Variants in KCNK10 observed in about 807,000 individuals in gnomAD.
KCNK10 encodes the protein potassium two pore domain channel subfamily K member 10.
A neutral mutation model predicts 47.7 loss-of-function variants in KCNK10; 25 were observed. That is an observed-to-expected ratio of 0.52 (90% CI 0.38 to 0.73). KCNK10 has a LOEUF of 0.73. KCNK10 is among the 30% of genes least tolerant of loss of function. KCNK10 has a pLI of 0.00. For synonymous variants in KCNK10, 303 were observed against 285.6 expected (o/e 1.06, Z -0.61); for missense variants, 563 against 714.5 (o/e 0.79, Z 2.42).
intron 1 of KCNK10, among the ~76,000 whole-genome samples, chr14:88,264,175 T>C (rs2139755099): frequency 6.6e-6 from 1 of 152,344 alleles, no homozygotes; most frequent in South Asian, 2.1e-4. Flanking sequence ...TAAGACGTCA[T>C]TGGAAAAAAA....
At chr14:88,198,971 G>A (rs1020650077) in intron 4 of KCNK10, among the ~76,000 whole-genome samples, 1 of 148,310 alleles carries the variant, frequency 6.7e-6, no homozygotes, top group Non-Finnish European at 1.5e-5. Context: ...CCAGGCTGGA[G>A]TGCAGTGGCG....
At chr14:88,218,498 T>C (rs1885695275) in intron 4 of KCNK10, among the ~76,000 whole-genome samples, 1 of 151,254 alleles carries the variant, frequency 6.6e-6, no homozygotes, top group African/African-American at 2.4e-5. Flanking sequence ...ACACCCAGAA[T>C]CATTTGGATC....
chr14:88,231,969 A>AT (rs1246934544), intron 3 of KCNK10, among the ~76,000 whole-genome samples: 2 of 152,166 alleles, frequency 1.3e-5, no homozygotes, highest in African/African-American at 4.8e-5. Context: ...TAATAAACAC[A>AT]TTTTTTATGT....
chr14:88,252,895 A>C (rs890759425), intron 2 of KCNK10, among the ~76,000 whole-genome samples: 1 of 152,162 alleles, frequency 6.6e-6, no homozygotes, highest in African/African-American at 2.4e-5. Flanking sequence ...CCTGCTCATC[A>C]TGTTGTTTGA....
intron 1 of KCNK10, among the ~76,000 whole-genome samples, chr14:88,270,557 T>C (rs1887379910): frequency 6.6e-6 from 1 of 152,108 alleles, no homozygotes; most frequent in Non-Finnish European, 1.5e-5. Context: ...GTCTTCAAAA[T>C]TTCAGGCTGC....
At chr14:88,301,321 GTGC>G (rs1888092926) in intron 1 of KCNK10, among the ~76,000 whole-genome samples, 1 of 152,014 alleles carries the variant, frequency 6.6e-6, no homozygotes, top group Non-Finnish European at 1.5e-5. Context: ...AGAGCCTTTA[GTGC>G]TGCTAATTAA....
At chr14:88,192,054 T>C (rs1322500035) in intron 5 of KCNK10, among the ~76,000 whole-genome samples, 170 bp downstream of exon 5, 1 of 152,210 alleles carries the variant, frequency 6.6e-6, no homozygotes, top group East Asian at 1.9e-4. Flanking sequence ...CCTATGGTAT[T>C]TATATTACAT....
In KCNK10 at chr14:88,276,212, G is replaced by T. The variant is rs1595118853; in HGVS notation, c.53-12661C>A. On this transcript the variant is annotated intron_variant, in intron 1 of 6. Transcript: ENST00000319231. Reference sequence around the variant, plus strand: ...AGGTGGGGGCTTTGGGGGGTGATTAGATGGTGAGGGCTGAGCCCTCATGAA... The same window carrying T: ...AGGTGGGGGCTTTGGGGGGTGATTATATGGTGAGGGCTGAGCCCTCATGAA... Among the ~76,000 whole-genome samples the T allele has an allele frequency of 2.6e-5, 4 of 152,048 alleles. No individual in the cohort carries two copies. In the South Asian group the frequency reaches 8.3e-4, roughly 32 times the overall value.
chr14:88,276,108 G>A (rs11851612), intron 1 of KCNK10, among the ~76,000 whole-genome samples: 5 of 151,864 alleles, frequency 3.3e-5, no homozygotes, highest in Admixed American at 2.6e-4. Context: ...CAGTTGAAGC[G>A]ATTACTGCTA....
chr14:88,310,618 G>A (rs909101900), intron 1 of KCNK10, among the ~76,000 whole-genome samples: 4 of 152,098 alleles, frequency 2.6e-5, no homozygotes, highest in Non-Finnish European at 4.4e-5. Flanking sequence ...AGGCATTCAC[G>A]CTCCTATAGA....
In KCNK10 at chr14:88,183,799, G is replaced by A. The variant is rs181634080; in HGVS notation, c.*1736C>T. On this transcript the variant is annotated 3_prime_UTR_variant, in exon 7 of 7. Coordinates refer to ENST00000319231, the MANE Select transcript of KCNK10 (RefSeq NM_138317.3). ...AATGGGCAGGGACAGGTCTTCCATGGTACCAGTGGTTGAGGATGTCGTGGG... is the reference window on the plus strand; with the variant it reads ...AATGGGCAGGGACAGGTCTTCCATGATACCAGTGGTTGAGGATGTCGTGGG... 14 of 152,520 alleles carry A rather than the reference G, an allele frequency of 9.2e-5. No individual in the cohort carries two copies. The highest frequency in any genetic ancestry group is 2.6e-4 in the Admixed American group (4 of 15,296). 9.4% of individuals were successfully genotyped at this position (152,520 alleles called of 1,614,324 possible).
At position 88,182,561 on chromosome 14, in the gene KCNK10, T is replaced by C. The variant is rs1884407133; in HGVS notation, c.*2974A>G. On this transcript the variant is annotated 3_prime_UTR_variant, in exon 7 of 7. Transcript: ENST00000319231. Reference sequence around the variant, plus strand: ...GTATTTCATAGGTTTCTAAACACTTTGCACACATATTTAATCGATCAATCA... The same window carrying C: ...GTATTTCATAGGTTTCTAAACACTTCGCACACATATTTAATCGATCAATCA... The C allele has an allele frequency of 6.6e-6, 1 of 152,378 alleles. No homozygotes were observed. Among genetic ancestry groups the C allele is most frequent in the Admixed American group, 6.5e-5 (1 of 15,290 alleles). 9.4% of individuals were successfully genotyped at this position (152,378 alleles called of 1,614,324 possible). A position where few individuals can be genotyped will look rare whatever the true frequency, so the allele number is the denominator to read the frequency against.
chr14:88,252,160 C>T (rs936445169), intron 2 of KCNK10, among the ~76,000 whole-genome samples: 1 of 152,036 alleles, frequency 6.6e-6, no homozygotes, highest in African/African-American at 2.4e-5. Flanking sequence ...AGTGATCCGC[C>T]TGCCTCAGCC....
intron 1 of KCNK10, among the ~76,000 whole-genome samples, chr14:88,267,233 G>A (rs1282622979): frequency 6.6e-6 from 1 of 152,220 alleles, no homozygotes; most frequent in Non-Finnish European, 1.5e-5. Context: ...TACCGGCACA[G>A]ATCTCAGAAT....
At chr14:88,276,399 G>A (rs1237337292) in intron 1 of KCNK10, among the ~76,000 whole-genome samples, 1 of 151,980 alleles carries the variant, frequency 6.6e-6, no homozygotes, top group Non-Finnish European at 1.5e-5. Flanking sequence ...CCAGAACCAT[G>A]AGAAATAAAT....
At chr14:88,251,872 A>G (rs1349845346) in intron 2 of KCNK10, among the ~76,000 whole-genome samples, 1 of 152,022 alleles carries the variant, frequency 6.6e-6, no homozygotes, top group Non-Finnish European at 1.5e-5. Flanking sequence ...GCTTCCTCCC[A>G]TCCAGGGCCT....
At chr14:88,251,111 T>C (rs1274895855) in intron 2 of KCNK10, among the ~76,000 whole-genome samples, 3 of 151,240 alleles carry the variant, frequency 2.0e-5, no homozygotes, top group Non-Finnish European at 2.9e-5. Flanking sequence ...TGCACACCTG[T>C]AGTCCCAGCT....
intron 4 of KCNK10, among the ~76,000 whole-genome samples, chr14:88,204,783 A>G (rs556154063): frequency 4.2e-4 from 64 of 152,154 alleles, no homozygotes; most frequent in Non-Finnish European, 7.6e-4. Context: ...AGAAAGGTAC[A>G]GAGATCTCCC....
At position 88,273,676 on chromosome 14, in the gene KCNK10, C is replaced by T. The variant is rs868764633; in HGVS notation, c.53-10125G>A. ...TCGTGATTCTCCCAATAGACTCTGA[C>T]TCCGCCATGTTGACGAGATGGACTT... is the stretch of plus-strand genomic sequence containing the variant. On this transcript the variant is annotated intron_variant, in intron 1 of 6. Transcript: ENST00000319231. Among the ~76,000 whole-genome samples, 5 of 152,308 alleles carry T rather than the reference C, an allele frequency of 3.3e-5. 1 individual carries two copies. In the Middle Eastern group the frequency reaches 0.01, roughly 311 times the overall value.
Sources: allele counts gnomAD v4.1 joint callset (sites outside exome capture counted in the v4.1 genomes callset), GRCh38; gene constraint gnomAD v4.1.1; transcripts MANE v1.5; gene names NCBI Gene and HGNC (gene_info 2026-07-23, HGNC 2026-07-21).